NXPH1: variants seen among roughly 807,000 people sequenced by gnomAD.
NXPH1 encodes neurexophilin-1.
A neutral mutation model predicts 23.7 loss-of-function variants in NXPH1; 5 were observed. The observed-to-expected ratio is 0.21, with a 90% CI of 0.11 to 0.44. The LOEUF (loss-of-function observed/expected upper bound fraction) is 0.44. NXPH1 is among the 20% of genes least tolerant of loss of function. The pLI is 0.99. For missense variants in NXPH1, 324 were observed against 321.6 expected (o/e 1.01, Z -0.06); for synonymous variants, 144 against 122.2 (o/e 1.18, Z -1.18).
chr7:8,627,394 T>G (rs1820015919), intron 2 of NXPH1, among the ~76,000 whole-genome samples: 2 of 152,142 alleles, frequency 1.3e-5, no homozygotes, highest in Admixed American at 6.6e-5. Context: ...ATAAGCCTCT[T>G]AAATATGCAA....
intron 2 of NXPH1, among the ~76,000 whole-genome samples, chr7:8,661,313 C>T (rs1820666042): frequency 6.6e-6 from 1 of 152,054 alleles, no homozygotes; most frequent in Admixed American, 6.6e-5. Context: ...AATACCAATA[C>T]CAAAGTGACT....
At chr7:8,468,292 C>T (rs776308111) in intron 2 of NXPH1, among the ~76,000 whole-genome samples, 26 of 151,974 alleles carry the variant, frequency 1.7e-4, no homozygotes, top group Non-Finnish European at 3.1e-4. Context: ...TGGAGTTTTC[C>T]TAAAATGGTT....
At chr7:8,526,240 C>T (rs553559546) in intron 2 of NXPH1, among the ~76,000 whole-genome samples, 1 of 152,172 alleles carries the variant, frequency 6.6e-6, no homozygotes, top group African/African-American at 2.4e-5. Flanking sequence ...TTGCATGGGC[C>T]CTGTAATCCC....
At chr7:8,680,388 A>G (rs774074413) in intron 2 of NXPH1, among the ~76,000 whole-genome samples, 1 of 152,224 alleles carries the variant, frequency 6.6e-6, no homozygotes, top group Non-Finnish European at 1.5e-5. Flanking sequence ...AGTGCAGGTA[A>G]AGTTAAAAAG....
At chr7:8,443,893 C>A (rs1396764809) in intron 2 of NXPH1, among the ~76,000 whole-genome samples, 1 of 152,164 alleles carries the variant, frequency 6.6e-6, no homozygotes, top group South Asian at 2.1e-4. Context: ...TACAAACACT[C>A]ATTCTCACAC....
At chr7:8,725,806 T>A (rs1191631310) in intron 2 of NXPH1, among the ~76,000 whole-genome samples, 2 of 103,408 alleles carry the variant, frequency 1.9e-5, no homozygotes, top group Admixed American at 1.1e-4. Flanking sequence ...CTTTACCTAT[T>A]TTTTTTTATT....
At chr7:8,565,632 A>T (rs1362879828) in intron 2 of NXPH1, among the ~76,000 whole-genome samples, 3 of 151,878 alleles carry the variant, frequency 2.0e-5, no homozygotes, top group Non-Finnish European at 2.9e-5. Flanking sequence ...GTAGCAACAA[A>T]ATATTGAAAT....
At chr7:8,717,019 T>C (rs1181358930) in intron 2 of NXPH1, among the ~76,000 whole-genome samples, 1 of 152,218 alleles carries the variant, frequency 6.6e-6, no homozygotes, top group Admixed American at 6.5e-5. Context: ...GTTAACCATT[T>C]TGAATTGCAC....
chr7:8,459,234 C>G (rs1816650225), intron 2 of NXPH1, among the ~76,000 whole-genome samples: 1 of 151,832 alleles, frequency 6.6e-6, no homozygotes, highest in Admixed American at 6.6e-5. Flanking sequence ...TCATTTTTAC[C>G]TGAATTCCAG....
chr7:8,540,021 A>G (rs1450985578), intron 2 of NXPH1, among the ~76,000 whole-genome samples: 1 of 151,828 alleles, frequency 6.6e-6, no homozygotes, highest in Non-Finnish European at 1.5e-5. Flanking sequence ...AGTCTCATTT[A>G]GTGGTTTTGT....
intron 2 of NXPH1, among the ~76,000 whole-genome samples, chr7:8,537,208 C>G (rs145555954): frequency 6.6e-6 from 1 of 152,040 alleles, no homozygotes; most frequent in South Asian, 2.1e-4. Context: ...ACACTGCTTA[C>G]TCTTTATTTC....
chr7:8,598,662 G>A lies in NXPH1; in HGVS notation c.55-152346G>A, dbSNP rs1007241624. ...CCATAAGTATATTTGTACAGCGTCAGTATTTTTCTGTTTGCAGTTTACAGA... is the reference window on the plus strand; with the variant it reads ...CCATAAGTATATTTGTACAGCGTCAATATTTTTCTGTTTGCAGTTTACAGA... On this transcript the variant is annotated intron_variant, in intron 2 of 2. Coordinates refer to ENST00000405863, the MANE Select transcript of NXPH1 (RefSeq NM_152745.3). 2.6e-5 allele frequency among the ~76,000 whole-genome samples: 4 copies of A among 152,270 alleles called. No individual in the cohort carries two copies. The South Asian group carries it at 8.3e-4, about 32-fold the overall frequency.
chr7:8,437,493 T>G (rs1423423569), intron 2 of NXPH1, among the ~76,000 whole-genome samples: 1 of 152,220 alleles, frequency 6.6e-6, no homozygotes, highest in African/African-American at 2.4e-5. Context: ...ACTTGAGGAC[T>G]GTTCTTACGT....
chr7:8,656,415 G>T (rs1820582556), intron 2 of NXPH1, among the ~76,000 whole-genome samples: 1 of 151,230 alleles, frequency 6.6e-6, no homozygotes, highest in African/African-American at 2.4e-5. Flanking sequence ...GGAGCAAGGT[G>T]TTGTTATCCC....
At chr7:8,573,979 G>A (rs988645352) in intron 2 of NXPH1, among the ~76,000 whole-genome samples, 1 of 152,062 alleles carries the variant, frequency 6.6e-6, no homozygotes, top group African/African-American at 2.4e-5. Flanking sequence ...GTGTACTCTG[G>A]TGGTATACAG....
intron 2 of NXPH1, among the ~76,000 whole-genome samples, chr7:8,689,370 G>C (rs1414468303): frequency 2.0e-5 from 3 of 151,544 alleles, no homozygotes; most frequent in African/African-American, 4.9e-5. Flanking sequence ...AGGAAACATA[G>C]GACATATTCA....
chr7:8,590,514 G>A (rs1292695065), intron 2 of NXPH1, among the ~76,000 whole-genome samples: 1 of 151,938 alleles, frequency 6.6e-6, no homozygotes, highest in Non-Finnish European at 1.5e-5. Flanking sequence ...ACATAATAGC[G>A]ACAACACCTG....
intron 2 of NXPH1, among the ~76,000 whole-genome samples, chr7:8,524,529 T>C (rs1463795566): frequency 2.0e-5 from 3 of 152,166 alleles, no homozygotes; most frequent in Non-Finnish European, 2.9e-5. Flanking sequence ...CTCTCTCCTT[T>C]GCCCAATTAA....
chr7:8,550,964 T>A (rs1168784523), intron 2 of NXPH1, among the ~76,000 whole-genome samples: 1 of 151,498 alleles, frequency 6.6e-6, no homozygotes, highest in African/African-American at 2.4e-5. Context: ...CCTGGAATTT[T>A]AAAAATTATT....
Sources: gnomAD v4.1 joint callset for allele counts (sites outside exome capture counted in the v4.1 genomes callset) on GRCh38, gnomAD v4.1.1 for gene constraint, MANE v1.5 for transcripts, NCBI Gene and HGNC (gene_info 2026-07-23, HGNC 2026-07-21) for gene names.